The following COL23A1 variants were observed in gnomAD, a reference collection of about 807,000 sequenced individuals.
The protein encoded by COL23A1 is collagen alpha-1(XXIII) chain.
COL23A1 carries 97 observed loss-of-function variants against 99.3 expected under a neutral mutation model. That is an observed-to-expected ratio of 0.98 (90% CI 0.83 to 1.16). The LOEUF (loss-of-function observed/expected upper bound fraction) is 1.16, where lower values mean the gene tolerates loss of function less well. COL23A1 is among the 50% of genes most tolerant of loss of function. COL23A1 has a pLI of 0.00. For missense variants in COL23A1, 762 were observed against 757.4 expected, an observed-to-expected ratio of 1.01 and a Z score of -0.07; for synonymous variants, 320 against 308.2, an observed-to-expected ratio of 1.04 and a Z score of -0.40.
intron 12 of COL23A1, among the ~76,000 whole-genome samples, chr5:178,258,318 G>C (rs1765440488): frequency 6.8e-6 from 1 of 146,950 alleles, no homozygotes; most frequent in Admixed American, 6.9e-5. Flanking sequence ...AGAAGAGGAT[G>C]GCCTGGTGGT....
chr5:178,279,185 T>A (rs1215113756), intron 5 of COL23A1, among the ~76,000 whole-genome samples: 1 of 152,190 alleles, frequency 6.6e-6, no homozygotes, highest in Non-Finnish European at 1.5e-5. Flanking sequence ...ACCCCTGGCC[T>A]GGCATTCAAG....
Position 178,555,033 on chromosome 5 carries a change from T to A in COL23A1, c.361+5649A>T, listed in dbSNP as rs143680550. ...GTGGACATAAAAAGGTACCACAGAC[T>A]GTGCGGCTTAAAACAGCAGAAATGT... On this transcript the variant is annotated intron_variant, in intron 2 of 28. Transcript: ENST00000390654. 3.5e-4 allele frequency among the ~76,000 whole-genome samples: 53 copies of A among 152,176 alleles called. 1 individual carries two copies. In the East Asian group the frequency reaches 3.7e-3, roughly 11 times the overall value.
intron 2 of COL23A1, chr5:178,345,068 G>A (rs1218483668): frequency 3.4e-6 from 2 of 586,932 alleles, no homozygotes; most frequent in Non-Finnish European, 6.6e-6. Context: ...TTATGTTAAA[G>A]AAGCTTTTGG....
chr5:178,239,177 G>A lies in COL23A1; in HGVS notation c.1584C>T (p.Gly528=), dbSNP rs754483385. Residue 528 remains glycine, a splice_region_variant and synonymous_variant, in exon 28 of 29, where the codon GGC becomes GGT. Coordinates refer to ENST00000390654, the MANE Select transcript of COL23A1 (RefSeq NM_173465.4). The part of the protein sequence containing the change: ...PPGLDQPCPV[G]PDGLPVPGCW... ...AGCCAGGCACAGGCAGCCCGTCGGG[G>A]CCCTGGAAAGGAAGAAGGTTTCAGT... is the stretch of plus-strand genomic sequence containing the variant. 8.1e-6 allele frequency: 13 copies of A among 1,614,070 alleles called. No homozygotes were observed. The East Asian group carries it at 2.9e-4, about 36-fold the overall frequency.
intron 1 of COL23A1, chr5:178,562,116 C>A (rs778251012): frequency 1.1e-5 from 6 of 523,698 alleles, no homozygotes; most frequent in Non-Finnish European, 2.2e-5. Flanking sequence ...GTGGCAGGCG[C>A]CTATAATCCC....
chr5:178,529,650 C>T (rs1279035927), intron 2 of COL23A1, among the ~76,000 whole-genome samples: 1 of 152,192 alleles, frequency 6.6e-6, no homozygotes, highest in Non-Finnish European at 1.5e-5. Flanking sequence ...CTGTGCCAAG[C>T]CCAGAGTGGA....
At chr5:178,496,850 C>G (rs1758224676) in intron 2 of COL23A1, among the ~76,000 whole-genome samples, 1 of 152,202 alleles carries the variant, frequency 6.6e-6, no homozygotes, top group Admixed American at 6.5e-5. Flanking sequence ...TTTCCTGGCA[C>G]TCAATTCTGA....
chr5:178,427,799 G>T (rs1766026682), intron 2 of COL23A1, among the ~76,000 whole-genome samples: 1 of 152,202 alleles, frequency 6.6e-6, no homozygotes, highest in Admixed American at 6.5e-5. Flanking sequence ...GCCAGGGGCT[G>T]GGGGAGGGAG....
intron 2 of COL23A1, among the ~76,000 whole-genome samples, chr5:178,352,451 C>T (rs897324110): frequency 1.3e-5 from 2 of 152,192 alleles, no homozygotes; most frequent in African/African-American, 2.4e-5. Context: ...CAAACCCCCA[C>T]GACCTTAGGT....
intron 1 of COL23A1, among the ~76,000 whole-genome samples, chr5:178,579,261 T>C (rs1226018824): frequency 1.3e-5 from 2 of 152,204 alleles, no homozygotes; most frequent in Non-Finnish European, 2.9e-5. Flanking sequence ...ATGTTCAGGG[T>C]GTGCACGACA....
At position 178,263,200 on chromosome 5, in the gene COL23A1, T is replaced by C; in HGVS notation, c.639+8A>G. ...TCCTGCGTGGCCCAACTCCATGCCCTCTCTTACCGCTGGGCCTTGTGCTCC... is the reference window on the plus strand; with the variant it reads ...TCCTGCGTGGCCCAACTCCATGCCCCCTCTTACCGCTGGGCCTTGTGCTCC... On this transcript the variant is annotated splice_region_variant and intron_variant, in intron 9 of 28. Coordinates refer to ENST00000390654, the MANE Select transcript of COL23A1 (RefSeq NM_173465.4). 6.2e-7 allele frequency: 1 copy of C among 1,604,416 alleles called. No homozygotes were observed. The highest frequency in any genetic ancestry group is 1.1e-5 in the South Asian group (1 of 90,886).
chr5:178,401,867 G>C (rs189353659), intron 2 of COL23A1, among the ~76,000 whole-genome samples: 23 of 152,226 alleles, frequency 1.5e-4, no homozygotes, highest in Admixed American at 1.2e-3. Flanking sequence ...CCAGGCTGGA[G>C]TGCAATGGCG....
Position 178,263,217 on chromosome 5 carries a change from T to C in COL23A1, c.630A>G (p.Gln210=). The C allele has an allele frequency of 6.2e-7, 1 of 1,613,162 alleles. No individual in the cohort carries two copies. The change falls in exon 9 of 29, where the codon CAA becomes CAG. Residue 210 remains glutamine, a synonymous_variant. Coordinates refer to ENST00000390654, the MANE Select transcript of COL23A1 (RefSeq NM_173465.4). Reference sequence around the variant, plus strand: ...CCATGCCCTCTCTTACCGCTGGGCCTTGTGCTCCCCTGGGGCCATCTTTCC... The same window carrying C: ...CCATGCCCTCTCTTACCGCTGGGCCCTGTGCTCCCCTGGGGCCATCTTTCC... ...DTGKDGPRGA[Q]GPAGPKGEPG... is the part of the protein sequence containing the mutation.
At chr5:178,545,348 A>G (rs956400109) in intron 2 of COL23A1, among the ~76,000 whole-genome samples, 1 of 152,126 alleles carries the variant, frequency 6.6e-6, no homozygotes, top group African/African-American at 2.4e-5. Context: ...ACTTCTAAAG[A>G]CATGACCGGA....
At chr5:178,465,467 C>T (rs1056493287) in intron 2 of COL23A1, among the ~76,000 whole-genome samples, 1 of 152,214 alleles carries the variant, frequency 6.6e-6, no homozygotes, top group African/African-American at 2.4e-5. Context: ...AAGCATTCTT[C>T]ACACAGAGGC....
intron 2 of COL23A1, among the ~76,000 whole-genome samples, chr5:178,442,176 A>C (rs1427885155): frequency 6.6e-6 from 1 of 151,708 alleles, no homozygotes; most frequent in African/African-American, 2.4e-5. Flanking sequence ...AAAAAAAAAC[A>C]GTCTGAACTC....
intron 3 of COL23A1, among the ~76,000 whole-genome samples, chr5:178,302,044 A>G (rs112375259): frequency 0.1 from 13,808 of 133,034 alleles, 1,539 homozygotes; most frequent in Middle Eastern, 0.19. Context: ...GTGCTGGAGC[A>G]CGGCTTCAAT....
At position 178,307,469 on chromosome 5, in the gene COL23A1, T is replaced by C. The variant is rs536657075; in HGVS notation, c.362-550A>G. ...ACTCGCTGGGGCCTCCAGCTCCTCC[T>C]TCCCCAGAGCCAGGGAGCTGCTCAG... On this transcript the variant is annotated intron_variant, in intron 2 of 28. Coordinates refer to ENST00000390654, the MANE Select transcript of COL23A1 (RefSeq NM_173465.4). This position sits in a 1 kb window ranked among gnomAD's most constrained non-coding sequence, Gnocchi z 4.2. Among the ~76,000 whole-genome samples the C allele has an allele frequency of 1.8e-4, 28 of 152,362 alleles. No homozygotes were observed. Among genetic ancestry groups the C allele is most frequent in the African/African-American group, 6.7e-4 (28 of 41,600 alleles).
chr5:178,249,716 A>ACTCTCTCTCT (rs59946818), intron 18 of COL23A1, among the ~76,000 whole-genome samples: 48 of 92,806 alleles, frequency 5.2e-4, no homozygotes, highest in East Asian at 2.5e-3. Context: ...ACACACACAC[A>ACTCTCTCTCT]CTCTCTCTCT....
Sources: gnomAD v4.1 joint callset for allele counts (sites outside exome capture counted in the v4.1 genomes callset) on GRCh38, gnomAD v4.1.1 for gene constraint, Gnocchi (gnomAD v3.1) non-coding constraint, MANE v1.5 for transcripts, NCBI Gene and HGNC (gene_info 2026-07-23, HGNC 2026-07-21) for gene names.